The following KCNH8 variants were observed in gnomAD, a reference collection of about 807,000 sequenced individuals.
The protein encoded by KCNH8 is potassium voltage-gated channel subfamily H member 8, also known as voltage-gated delayed rectifier potassium channel KCNH8.
KCNH8 carries 70 observed loss-of-function variants against 103.6 expected under a neutral mutation model. That is an observed-to-expected ratio of 0.68 (90% confidence interval 0.56 to 0.82). KCNH8 has a LOEUF of 0.82. Ranked by LOEUF, KCNH8 falls within the 40% of genes least tolerant of loss-of-function variation. The pLI, the probability that KCNH8 is intolerant of heterozygous loss-of-function variation, is 0.00. For missense variants in KCNH8, 1,217 were observed against 1,329.9 expected (o/e 0.92, Z 1.32); for synonymous variants, 498 against 489.4 (o/e 1.02, Z -0.23).
chr3:19,155,582 C>A (rs571805451), intron 1 of KCNH8, among the ~76,000 whole-genome samples: 1 of 152,268 alleles, frequency 6.6e-6, no homozygotes, highest in Non-Finnish European at 1.5e-5. Context: ...ATCATCTGAC[C>A]CCAAGATGAT....
intron 6 of KCNH8, among the ~76,000 whole-genome samples, chr3:19,391,432 G>A (rs1019927988): frequency 2.0e-5 from 3 of 151,892 alleles, no homozygotes; most frequent in African/African-American, 4.8e-5. Context: ...AACCAATTAC[G>A]GCGTGTAAAA....
At position 19,198,312 on chromosome 3, in the gene KCNH8, A is replaced by T. The variant is rs192841968; in HGVS notation, c.76+49517A>T. Among the ~76,000 whole-genome samples the T allele has an allele frequency of 1.8e-3, 281 of 152,200 alleles. 7 individuals are homozygous for T. The highest frequency in any genetic ancestry group is 2.1e-3 in the East Asian group (11 of 5,168). ...TGGTTTCTTGAAGGAAGTAATGCTT[A>T]AGCCTTGAACTGGAGGAGTTGGGTG... On this transcript the variant is annotated intron_variant, in intron 1 of 15. Coordinates refer to ENST00000328405, the MANE Select transcript of KCNH8 (RefSeq NM_144633.3).
chr3:19,205,219 T>A (rs1368305504), intron 1 of KCNH8, among the ~76,000 whole-genome samples: 1 of 151,928 alleles, frequency 6.6e-6, no homozygotes, highest in African/African-American at 2.4e-5. Context: ...TATATTTCAA[T>A]GGCAAAAAAA....
At chr3:19,470,887 TA>T (rs1380465513) in intron 11 of KCNH8, among the ~76,000 whole-genome samples, 1 of 152,304 alleles carries the variant, frequency 6.6e-6, no homozygotes, top group Non-Finnish European at 1.5e-5. Flanking sequence ...AGGGAGCACA[TA>T]AAAAGCTTTA....
At chr3:19,234,193 T>C (rs2064031132) in intron 1 of KCNH8, among the ~76,000 whole-genome samples, 1 of 152,194 alleles carries the variant, frequency 6.6e-6, no homozygotes, top group Admixed American at 6.5e-5. Flanking sequence ...TCCACGTCCC[T>C]ACCAGACTCA....
chr3:19,221,235 C>T (rs139733524), intron 1 of KCNH8, among the ~76,000 whole-genome samples: 5 of 152,168 alleles, frequency 3.3e-5, no homozygotes, highest in African/African-American at 1.2e-4. Flanking sequence ...AATGGGCTTG[C>T]AAGATTACTT....
rs190658741 is a variant in KCNH8, at chr3:19,228,211, A to T, written c.77-25443A>T. Among the ~76,000 whole-genome samples, 20 of 152,316 alleles carry T rather than the reference A, an allele frequency of 1.3e-4. No individual in the cohort carries two copies. The South Asian group carries it at 2.7e-3, about 21-fold the overall frequency. ...ATATTAATAAATGTTCAAAAGAATG[A>T]TATTATTATTTAATGACAATAATTG... On this transcript the variant is annotated intron_variant, in intron 1 of 15. Transcript: ENST00000328405.
rs552178588 is a variant in KCNH8 at position 19,507,727 on chromosome 3, C to G, written c.2041-2636C>G. The stretch of plus-strand genomic sequence containing the variant: ...ACCTGGGTGGAAAAAGGTCTGGCTG[C>G]TTTTTCCACAGGGCAGCTGCATTGT... On this transcript the variant is annotated intron_variant, in intron 11 of 15. Transcript: ENST00000328405. 2.0e-5 allele frequency among the ~76,000 whole-genome samples: 3 copies of G among 152,222 alleles called. No individual in the cohort carries two copies. The South Asian group carries it at 6.2e-4, about 32-fold the overall frequency.
chr3:19,352,876 C>G (rs984780767), intron 5 of KCNH8, among the ~76,000 whole-genome samples: 2 of 151,862 alleles, frequency 1.3e-5, no homozygotes, highest in African/African-American at 4.8e-5. Flanking sequence ...CAAGAAATAA[C>G]TAAAATCAGA....
At chr3:19,342,521 C>A in intron 3 of KCNH8, 66 bp from the exon 4 acceptor site, 2 of 1,519,864 alleles carry the variant, frequency 1.3e-6, no homozygotes, top group Non-Finnish European at 1.8e-6. Context: ...AGGGAACTGT[C>A]AAAATGACAT....
At chr3:19,372,654 T>C (rs1009960261) in intron 5 of KCNH8, among the ~76,000 whole-genome samples, 3 of 152,184 alleles carry the variant, frequency 2.0e-5, no homozygotes, top group African/African-American at 4.8e-5. Flanking sequence ...CTATGTTGAA[T>C]AGGAGTGGTG....
chr3:19,157,119 G>A (rs985507634), intron 1 of KCNH8, among the ~76,000 whole-genome samples: 8 of 151,976 alleles, frequency 5.3e-5, no homozygotes, highest in African/African-American at 1.9e-4. Flanking sequence ...GTCTTACCAT[G>A]TTTTATTTGA....
chr3:19,426,508 A>G (rs1253974125), intron 7 of KCNH8, among the ~76,000 whole-genome samples: 1 of 151,094 alleles, frequency 6.6e-6, no homozygotes, highest in East Asian at 1.9e-4. Flanking sequence ...GCTCTGCACT[A>G]GAAATAACTT....
chr3:19,425,462 T>G (rs945328833), intron 7 of KCNH8, among the ~76,000 whole-genome samples: 5 of 152,208 alleles, frequency 3.3e-5, no homozygotes, highest in African/African-American at 1.2e-4. Context: ...AACCTGAACA[T>G]TGTGCATGTT....
intron 5 of KCNH8, among the ~76,000 whole-genome samples, chr3:19,365,459 A>G (rs1005200670): frequency 1.3e-5 from 2 of 149,944 alleles, no homozygotes; most frequent in East Asian, 3.9e-4. Flanking sequence ...TAATATCTGC[A>G]TAATATTCCA....
At chr3:19,334,001 G>A (rs1410708740) in intron 3 of KCNH8, among the ~76,000 whole-genome samples, 1 of 152,120 alleles carries the variant, frequency 6.6e-6, no homozygotes, top group Non-Finnish European at 1.5e-5. Context: ...GTGGGCAGAG[G>A]GACATACTGG....
chr3:19,455,504 A>T (rs981282725), intron 10 of KCNH8, among the ~76,000 whole-genome samples: 11 of 152,106 alleles, frequency 7.2e-5, no homozygotes, highest in Non-Finnish European at 1.6e-4. Flanking sequence ...AAATAAGGAT[A>T]CTGAGACCCA....
At chr3:19,204,892 T>C (rs759248737) in intron 1 of KCNH8, among the ~76,000 whole-genome samples, 2 of 152,062 alleles carry the variant, frequency 1.3e-5, no homozygotes, top group African/African-American at 2.4e-5. Context: ...CAGAAATCTT[T>C]GCGCTTGATC....
intron 1 of KCNH8, among the ~76,000 whole-genome samples, chr3:19,252,866 G>T (rs1028086970): frequency 6.6e-6 from 1 of 152,118 alleles, no homozygotes; most frequent in African/African-American, 2.4e-5. Context: ...CTCACCTGGA[G>T]ATCGTATCCA....
Sources: gnomAD v4.1 joint callset for allele counts (sites outside exome capture counted in the v4.1 genomes callset) on GRCh38, gnomAD v4.1.1 for gene constraint, MANE v1.5 for transcripts, NCBI Gene and HGNC (gene_info 2026-07-23, HGNC 2026-07-21) for gene names.